Variants in LAMA2 observed in about 807,000 individuals in gnomAD.
LAMA2 encodes the protein laminin subunit alpha-2.
A neutral mutation model predicts 364.8 loss-of-function variants in LAMA2; 269 were observed. The ratio of observed to expected loss-of-function variants is 0.74; its 90% CI spans 0.67 to 0.82. LAMA2 has a LOEUF of 0.82. Among genes scored for constraint, LAMA2 ranks in the 40% least tolerant of loss-of-function variants. The pLI is 0.00. For missense variants in LAMA2, 3,807 were observed against 3,873.2 expected (o/e 0.98, Z 0.45); for synonymous variants, 1,379 against 1,370.6 (o/e 1.01, Z -0.14).
intron 1 of LAMA2, among the ~76,000 whole-genome samples, chr6:129,026,482 C>T (rs1203256803): frequency 6.6e-6 from 1 of 152,046 alleles, no homozygotes; most frequent in African/African-American, 2.4e-5. Context: ...AAGAATAAAG[C>T]AGTTTACAAA....
intron 40 of LAMA2, among the ~76,000 whole-genome samples, chr6:129,408,381 G>A (rs532293181): frequency 6.6e-6 from 1 of 152,276 alleles, no homozygotes; most frequent in Admixed American, 6.5e-5. Flanking sequence ...AACATGATAA[G>A]ACCAGTGAAT....
chr6:129,214,747 A>G (rs1334026123), intron 12 of LAMA2, among the ~76,000 whole-genome samples: 1 of 152,092 alleles, frequency 6.6e-6, no homozygotes, highest in Non-Finnish European at 1.5e-5. Flanking sequence ...TTATTTAATG[A>G]TGTGTTGGCT....
chr6:129,163,120 T>C (rs1026775809), intron 8 of LAMA2, among the ~76,000 whole-genome samples: 2 of 151,922 alleles, frequency 1.3e-5, no homozygotes, highest in Non-Finnish European at 2.9e-5. Context: ...TTTTTACTTA[T>C]TTTTTTTAGG....
intron 3 of LAMA2, among the ~76,000 whole-genome samples, chr6:129,072,340 C>G (rs2114820963): frequency 6.6e-6 from 1 of 152,026 alleles, no homozygotes; most frequent in East Asian, 1.9e-4. Context: ...AATACTACTG[C>G]CAGCAGTACT....
At chr6:129,140,068 A>G (rs1195453355) in intron 4 of LAMA2, among the ~76,000 whole-genome samples, 1 of 152,162 alleles carries the variant, frequency 6.6e-6, no homozygotes, top group East Asian at 1.9e-4. Flanking sequence ...TATTAGAATT[A>G]TAGCTCTTCA....
intron 58 of LAMA2, among the ~76,000 whole-genome samples, chr6:129,493,892 G>C (rs1785013115): frequency 6.6e-6 from 1 of 152,064 alleles, no homozygotes. Flanking sequence ...ACTTTTAATA[G>C]ACCATGGTAG....
chr6:128,980,896 T>C (rs11154451), intron 1 of LAMA2, among the ~76,000 whole-genome samples: 30,965 of 152,188 alleles, frequency 0.2, 4,517 homozygotes, highest in African/African-American at 0.41. Flanking sequence ...ACGCGAATCA[T>C]TGGACAAATG....
In LAMA2 at chr6:129,443,084, C is replaced by T; in HGVS notation, c.6274+16C>T. On this transcript the variant is annotated intron_variant, in intron 44 of 64. Transcript: ENST00000421865. ...GCAGAAATCAGTACGTATATGTTTA[C>T]TTATATACCTTTTAGTAACGCTCAT... The T allele has an allele frequency of 1.3e-6, 2 of 1,579,874 alleles. No individual in the cohort carries two copies. Among genetic ancestry groups the T allele is most frequent in the Non-Finnish European group, 1.7e-6 (2 of 1,156,776 alleles).
intron 1 of LAMA2, among the ~76,000 whole-genome samples, chr6:128,956,338 T>A (rs1198621746): frequency 6.6e-6 from 1 of 152,044 alleles, no homozygotes; most frequent in Non-Finnish European, 1.5e-5. Flanking sequence ...GTATGTCTAT[T>A]TATTCTTCTC....
At position 129,391,482 on chromosome 6, in the gene LAMA2, C is replaced by A. The variant is rs770904109; in HGVS notation, c.5072-9C>A. The A allele has an allele frequency of 1.1e-5, 17 of 1,611,094 alleles. 1 individual carries two copies. In the African/African-American group the frequency reaches 1.5e-4, roughly 14 times the overall value. ...TACTAATTTACAAAATTTGTTTTAC[C>A]CCCTGCAGCTGTAAATGAAAAAGCT... On this transcript the variant is annotated splice_polypyrimidine_tract_variant and intron_variant, in intron 35 of 64. Transcript: ENST00000421865.
At chr6:129,181,597 A>G (rs538402330) in intron 10 of LAMA2, among the ~76,000 whole-genome samples, 2 of 152,002 alleles carry the variant, frequency 1.3e-5, no homozygotes, top group Admixed American at 1.3e-4. Flanking sequence ...GATTGGGTTA[A>G]ACAAGAGATG....
chr6:129,269,752 T>C (rs1787790702), intron 16 of LAMA2, among the ~76,000 whole-genome samples: 1 of 152,018 alleles, frequency 6.6e-6, no homozygotes, highest in African/African-American at 2.4e-5. Flanking sequence ...TGAAAGGAAG[T>C]AAAACAAAAA....
chr6:129,146,258 G>T (rs1034687282), intron 5 of LAMA2, among the ~76,000 whole-genome samples: 2 of 151,826 alleles, frequency 1.3e-5, no homozygotes, highest in Admixed American at 1.3e-4. Flanking sequence ...ATTATAAAAT[G>T]TTATATACAC....
chr6:129,175,868 CAT>C (rs1780555348), intron 9 of LAMA2, among the ~76,000 whole-genome samples: 1 of 152,022 alleles, frequency 6.6e-6, no homozygotes, highest in Non-Finnish European at 1.5e-5. Context: ...ATCATTAAAA[CAT>C]GTTTGTGGTA....
intron 51 of LAMA2, among the ~76,000 whole-genome samples, chr6:129,467,871 C>T (rs764170250): frequency 3.3e-5 from 5 of 151,766 alleles, no homozygotes; most frequent in African/African-American, 4.8e-5. Flanking sequence ...AAAGTTCTTC[C>T]CCCAATAGGT....
intron 1 of LAMA2, among the ~76,000 whole-genome samples, chr6:128,959,546 T>C (rs532079050): frequency 6.6e-6 from 1 of 152,276 alleles, no homozygotes; most frequent in African/African-American, 2.4e-5. Context: ...GTGTTTCCAC[T>C]TCAGGTGCTT....
intron 32 of LAMA2, among the ~76,000 whole-genome samples, chr6:129,354,636 C>T (rs1777051089): frequency 6.6e-6 from 1 of 151,996 alleles, no homozygotes; most frequent in Admixed American, 6.6e-5. Flanking sequence ...TTAATCATCA[C>T]TTTTATTAAC....
At chr6:129,063,324 C>G (rs1178759282) in intron 3 of LAMA2, among the ~76,000 whole-genome samples, 1 of 152,034 alleles carries the variant, frequency 6.6e-6, no homozygotes, top group African/African-American at 2.4e-5. Context: ...TTAAAGGAGA[C>G]AGTAATAGGG....
chr6:129,081,079 T>C (rs1413902040), intron 3 of LAMA2, among the ~76,000 whole-genome samples: 1 of 152,196 alleles, frequency 6.6e-6, no homozygotes, highest in Non-Finnish European at 1.5e-5. Flanking sequence ...AATGAAGAGT[T>C]CATGTCCTTT....
Sources: gnomAD v4.1 joint callset for allele counts (sites outside exome capture counted in the v4.1 genomes callset) on GRCh38, gnomAD v4.1.1 for gene constraint, MANE v1.5 for transcripts, NCBI Gene and HGNC (gene_info 2026-07-23, HGNC 2026-07-21) for gene names.